SGSM1: variants seen among roughly 807,000 people sequenced by gnomAD.
The protein encoded by SGSM1 is small G protein signaling modulator 1, also known as RUN and TBC1 domain containing 2.
SGSM1 carries 73 observed loss-of-function variants against 133.8 expected under a neutral mutation model. The ratio of observed to expected loss-of-function variants is 0.55; its 90% CI spans 0.45 to 0.66. SGSM1 has a LOEUF of 0.66. Ranked by LOEUF, SGSM1 falls within the 30% of genes least tolerant of loss-of-function variation. The probability of loss-of-function intolerance (pLI) is 0.00; values close to 1 mark genes in which losing one functional copy is unlikely to be tolerated. For synonymous variants in SGSM1, 563 were observed against 573.0 expected, an observed-to-expected ratio of 0.98 and a Z score of 0.25; for missense variants, 1,213 against 1,448.1, an observed-to-expected ratio of 0.84 and a Z score of 2.64.
At chr22:24,847,573 A>T in intron 3 of SGSM1, 61 bp from the exon 4 acceptor site, 1 of 1,567,616 alleles carries the variant, frequency 6.4e-7, no homozygotes, top group Non-Finnish European at 8.7e-7. Context: ...AAGCTCTGGG[A>T]CATGCTGGGT....
At chr22:24,827,295 C>T (rs1044895231) in intron 2 of SGSM1, among the ~76,000 whole-genome samples, 131 of 150,802 alleles carry the variant, frequency 8.7e-4, no homozygotes, top group African/African-American at 3.0e-3. Flanking sequence ...ACGGATTGCC[C>T]TGGGTTTCCC....
Position 24,892,876 on chromosome 22 carries a change from G to A in SGSM1, c.1771-555G>A, listed in dbSNP as rs563170259. On this transcript the variant is annotated intron_variant, in intron 16 of 24. Coordinates refer to ENST00000400358, the MANE Select transcript of SGSM1 (RefSeq NM_001098497.3). ...ATCCTGGCCAACAAGGTGAAACCCC[G>A]TCTCTACTAAAAAAAAAAAAAAAAA... 8.8e-4 allele frequency among the ~76,000 whole-genome samples: 117 copies of A among 133,550 alleles called. 1 individual carries two copies. In the East Asian group the frequency reaches 0.023, roughly 27 times the overall value. The allele number at this position is 133,550 out of a possible 152,430, so 87.6% of individuals were successfully genotyped here.
At position 24,854,994 on chromosome 22, in the gene SGSM1, A is replaced by G; in HGVS notation, c.456-2A>G. 6.2e-7 allele frequency: 1 copy of G among 1,612,670 alleles called. No individual in the cohort carries two copies. Among genetic ancestry groups the G allele is most frequent in the Non-Finnish European group, 8.5e-7 (1 of 1,179,302 alleles). ...AACCTGCATATTCTCTCCTCTTGCT[A>G]GTAAATACTATGAGAAGGAAGCTCT... is the stretch of plus-strand genomic sequence containing the variant. On this transcript the variant is annotated splice_acceptor_variant, in intron 5 of 24. Coordinates refer to ENST00000400358, the MANE Select transcript of SGSM1 (RefSeq NM_001098497.3). LOFTEE classifies it high-confidence loss of function.
At chr22:24,811,272 G>A (rs8139986) in intron 2 of SGSM1, among the ~76,000 whole-genome samples, 14,997 of 152,134 alleles carry the variant, frequency 0.099, 2,157 homozygotes, top group African/African-American at 0.31. Context: ...AATAACTCTT[G>A]TTAAGGCAGG....
At position 24,853,769 on chromosome 22, in the gene SGSM1, ATTTTTT is replaced by A. The variant is rs57736929; in HGVS notation, c.456-1211_456-1206del. Among the ~76,000 whole-genome samples, 154 of 123,448 alleles carry A rather than the reference ATTTTTT, an allele frequency of 1.2e-3. 1 individual carries two copies. Among genetic ancestry groups the A allele is most frequent in the East Asian group, 4.2e-3 (18 of 4,318 alleles). 81.0% of individuals were successfully genotyped at this position (123,448 alleles called of 152,430 possible). A position where few individuals can be genotyped will look rare whatever the true frequency, so the allele number is the denominator to read the frequency against. On this transcript the variant is annotated intron_variant, in intron 5 of 24. Coordinates refer to ENST00000400358, the MANE Select transcript of SGSM1 (RefSeq NM_001098497.3). ...CTACAGGCACCACCACGCCTGGTGA[ATTTTTT>A]TTTTTTTTTTTTTTTGTATTTTTAG... is the stretch of plus-strand genomic sequence containing the variant.
intron 14 of SGSM1, 137 bp from the exon 15 acceptor site, chr22:24,883,912 TAATA>T (rs1932462416): frequency 1.0e-6 from 1 of 991,006 alleles, no homozygotes; most frequent in Admixed American, 3.2e-5. Context: ...GCCATGATAA[TAATA>T]AATAATAGAG....
Position 24,810,064 on chromosome 22 carries a change from A to G in SGSM1, c.63+3580A>G, listed in dbSNP as rs151127728. On this transcript the variant is annotated intron_variant, in intron 2 of 24. Coordinates refer to ENST00000400358, the MANE Select transcript of SGSM1 (RefSeq NM_001098497.3). ...GAACCGAAGTGACCGGAGCAGAGAC[A>G]AAGGAGAAAGGTGCAGATGCGGAGA... 3.6e-3 allele frequency among the ~76,000 whole-genome samples: 550 copies of G among 152,310 alleles called. 2 individuals are homozygous for G. Among genetic ancestry groups the G allele is most frequent in the African/African-American group, 0.013 (525 of 41,578 alleles).
chr22:24,854,632 T>C (rs1930662918), intron 5 of SGSM1, among the ~76,000 whole-genome samples: 1 of 152,150 alleles, frequency 6.6e-6, no homozygotes, highest in African/African-American at 2.4e-5. Flanking sequence ...GGCAACATAA[T>C]GAGACCCTAT....
chr22:24,887,841 A>AT (rs986011115), intron 16 of SGSM1, among the ~76,000 whole-genome samples: 21 of 152,206 alleles, frequency 1.4e-4, no homozygotes, highest in African/African-American at 5.1e-4. Flanking sequence ...AGTGATCCAC[A>AT]TTTGCATCTT....
intron 21 of SGSM1, among the ~76,000 whole-genome samples, chr22:24,907,284 TAAA>T (rs1220301546): frequency 6.7e-6 from 1 of 149,428 alleles, no homozygotes; most frequent in East Asian, 2.1e-4. Context: ...AATAAATAAA[TAAA>T]TAAATAAATA....
intron 2 of SGSM1, among the ~76,000 whole-genome samples, chr22:24,825,915 G>C (rs1043890123): frequency 6.6e-6 from 1 of 152,182 alleles, no homozygotes; most frequent in African/African-American, 2.4e-5. Flanking sequence ...GACCCCAGGT[G>C]GGGAGTAGAG....
intron 10 of SGSM1, among the ~76,000 whole-genome samples, chr22:24,868,077 T>G (rs143297569): frequency 0.012 from 1,792 of 152,272 alleles, 16 homozygotes; most frequent in Middle Eastern, 0.02. Flanking sequence ...AAAGGATTCC[T>G]GAGGAGCGTA....
intron 24 of SGSM1, among the ~76,000 whole-genome samples, chr22:24,923,589 G>T (rs1934088424): frequency 1.3e-5 from 2 of 151,590 alleles, no homozygotes; most frequent in African/African-American, 4.8e-5. Context: ...TCTGTTTATA[G>T]GAGAGGGGTG....
At chr22:24,881,439 G>A (rs1437342168) in intron 14 of SGSM1, among the ~76,000 whole-genome samples, 7 of 150,714 alleles carry the variant, frequency 4.6e-5, no homozygotes, top group Admixed American at 3.3e-4. Context: ...GGTGGTGGGC[G>A]CCTGTAGTCC....
chr22:24,877,006 G>A (rs1175042466), intron 13 of SGSM1, among the ~76,000 whole-genome samples: 16 of 152,184 alleles, frequency 1.1e-4, no homozygotes. Context: ...GCTGGTGGCT[G>A]TTTTTTCCAC....
At chr22:24,911,637 C>T (rs561702943) in intron 21 of SGSM1, among the ~76,000 whole-genome samples, 1 of 152,168 alleles carries the variant, frequency 6.6e-6, no homozygotes, top group South Asian at 2.1e-4. Flanking sequence ...TTAAACTGGC[C>T]CATTACCTCT....
At chr22:24,916,804 C>T (rs1191197171) in intron 22 of SGSM1, among the ~76,000 whole-genome samples, 1 of 151,982 alleles carries the variant, frequency 6.6e-6, no homozygotes, top group African/African-American at 2.4e-5. Flanking sequence ...TGAGTTGTTT[C>T]CCAGTTGTTG....
At position 24,861,553 on chromosome 22, in the gene SGSM1, T is replaced by C. The variant is rs539432615; in HGVS notation, c.926+1713T>C. Among the ~76,000 whole-genome samples, 19 of 151,828 alleles carry C rather than the reference T, an allele frequency of 1.3e-4. No individual in the cohort carries two copies. In the South Asian group the frequency reaches 3.5e-3, roughly 28 times the overall value. ...TTATTTATATTTTATTTTATTTATTTATTCATTTTTTTGAGACACTGCCTC... is the reference window on the plus strand; with the variant it reads ...TTATTTATATTTTATTTTATTTATTCATTCATTTTTTTGAGACACTGCCTC... On this transcript the variant is annotated intron_variant, in intron 9 of 24. Transcript: ENST00000400358.
intron 17 of SGSM1, among the ~76,000 whole-genome samples, chr22:24,894,686 C>G (rs1035032839): frequency 5.3e-5 from 8 of 152,164 alleles, no homozygotes; most frequent in African/African-American, 1.4e-4. Context: ...GCAAGTTAAC[C>G]TGGACGTGCT....
Sources: allele counts gnomAD v4.1 joint callset (sites outside exome capture counted in the v4.1 genomes callset), GRCh38; gene constraint gnomAD v4.1.1; transcripts MANE v1.5; gene names NCBI Gene and HGNC (gene_info 2026-07-23, HGNC 2026-07-21).